Variants in CNTN5 observed in about 807,000 individuals in gnomAD.
The protein encoded by CNTN5 is contactin-5.
In CNTN5, 77 loss-of-function variants were observed where a neutral mutation model predicts 129.1. The observed-to-expected ratio is 0.60, with a 90% CI of 0.50 to 0.72. The LOEUF (loss-of-function observed/expected upper bound fraction) is 0.72, where lower values mean the gene tolerates loss of function less well. Among genes scored for constraint, CNTN5 ranks in the 30% least tolerant of loss-of-function variants. The pLI is 0.00. For missense variants in CNTN5, 1,478 were observed against 1,328.8 expected, an observed-to-expected ratio of 1.11 and a Z score of -1.75; for synonymous variants, 509 against 465.6, an observed-to-expected ratio of 1.09 and a Z score of -1.20.
intron 4 of CNTN5, among the ~76,000 whole-genome samples, chr11:99,828,607 A>G (rs1475202617): frequency 6.6e-6 from 1 of 152,222 alleles, no homozygotes; most frequent in African/African-American, 2.4e-5. Flanking sequence ...ATGCTATTTT[A>G]TTAAATAGAA....
At chr11:99,973,565 A>T (rs1481929505) in intron 8 of CNTN5, among the ~76,000 whole-genome samples, 1 of 152,156 alleles carries the variant, frequency 6.6e-6, no homozygotes, top group African/African-American at 2.4e-5. Context: ...AGGTATTTAA[A>T]AATAACCTTA....
chr11:99,780,158 C>A (rs1341532662), intron 3 of CNTN5, among the ~76,000 whole-genome samples: 1 of 151,890 alleles, frequency 6.6e-6, no homozygotes, highest in Non-Finnish European at 1.5e-5. Context: ...TTACTGTTAT[C>A]AAGTCCTCCT....
At chr11:99,366,908 G>C (rs139995617) in intron 2 of CNTN5, among the ~76,000 whole-genome samples, 1 of 152,106 alleles carries the variant, frequency 6.6e-6, no homozygotes, top group Non-Finnish European at 1.5e-5. Context: ...TAGCAGATTC[G>C]GTGCCTTTGC....
intron 1 of CNTN5, among the ~76,000 whole-genome samples, chr11:99,241,541 A>C (rs1017070236): frequency 5.3e-5 from 8 of 151,920 alleles, no homozygotes; most frequent in African/African-American, 1.9e-4. Context: ...AGTGTAGACC[A>C]TTAGTTATAA....
chr11:100,117,157 A>T (rs933316121), intron 13 of CNTN5, among the ~76,000 whole-genome samples: 2 of 152,058 alleles, frequency 1.3e-5, no homozygotes, highest in African/African-American at 2.4e-5. Flanking sequence ...CTGAAAAGGA[A>T]GTAGATTTTA....
intron 13 of CNTN5, among the ~76,000 whole-genome samples, chr11:100,148,532 A>C (rs1461641527): frequency 1.3e-5 from 2 of 152,156 alleles, no homozygotes; most frequent in African/African-American, 4.8e-5. Flanking sequence ...AAACCGGTGT[A>C]ACTGAGATCT....
chr11:100,266,391 A>G (rs980615732), intron 17 of CNTN5, among the ~76,000 whole-genome samples: 1 of 152,242 alleles, frequency 6.6e-6, no homozygotes, highest in African/African-American at 2.4e-5. Context: ...TTCTGGAAAT[A>G]ATAACTTTAT....
chr11:99,427,983 A>G (rs1304725441), intron 2 of CNTN5, among the ~76,000 whole-genome samples: 1 of 151,992 alleles, frequency 6.6e-6, no homozygotes, highest in Non-Finnish European at 1.5e-5. Flanking sequence ...TTTTCTTTTT[A>G]CAAACCTTAT....
chr11:100,045,361 G>T (rs1318776929), intron 9 of CNTN5, among the ~76,000 whole-genome samples: 1 of 151,904 alleles, frequency 6.6e-6, no homozygotes, highest in African/African-American at 2.4e-5. Flanking sequence ...ATAATTAGGG[G>T]CCAACTATAA....
At chr11:100,164,418 A>G (rs964450613) in intron 13 of CNTN5, among the ~76,000 whole-genome samples, 2 of 151,770 alleles carry the variant, frequency 1.3e-5, no homozygotes, top group South Asian at 2.1e-4. Context: ...TTCTTATTCT[A>G]TATACCAATC....
At chr11:100,254,653 T>C (rs747962176) in intron 16 of CNTN5, among the ~76,000 whole-genome samples, 11 of 152,206 alleles carry the variant, frequency 7.2e-5, no homozygotes, top group Non-Finnish European at 1.2e-4. Flanking sequence ...AAACTTTTTC[T>C]CCATCTTACT....
At chr11:99,965,414 T>G (rs990407418) in intron 8 of CNTN5, among the ~76,000 whole-genome samples, 1 of 152,202 alleles carries the variant, frequency 6.6e-6, no homozygotes, top group South Asian at 2.1e-4. Flanking sequence ...CATTTCGTTA[T>G]GTACCCAGTA....
chr11:99,063,447 CTTAT>C (rs1482540098), intron 1 of CNTN5, among the ~76,000 whole-genome samples: 2 of 151,408 alleles, frequency 1.3e-5, no homozygotes, highest in African/African-American at 4.9e-5. Flanking sequence ...AAGAAGAAAA[CTTAT>C]TGAGAAATGT....
chr11:99,540,237 T>C (rs529677339), intron 2 of CNTN5, among the ~76,000 whole-genome samples: 1 of 152,308 alleles, frequency 6.6e-6, no homozygotes, highest in African/African-American at 2.4e-5. Flanking sequence ...GATAACTAAA[T>C]ATGTGTTGTG....
At chr11:99,104,590 T>C (rs1425844952) in intron 1 of CNTN5, among the ~76,000 whole-genome samples, 2 of 151,202 alleles carry the variant, frequency 1.3e-5, no homozygotes, top group Non-Finnish European at 2.9e-5. Context: ...TTAATTCACC[T>C]GATTTAATCT....
intron 2 of CNTN5, among the ~76,000 whole-genome samples, chr11:99,533,815 C>T (rs761315356): frequency 5.9e-5 from 9 of 152,168 alleles, no homozygotes; most frequent in Admixed American, 3.3e-4. Flanking sequence ...TAGCTTTTAG[C>T]GAACTGGATA....
At chr11:99,857,820 C>G (rs1310521886) in intron 6 of CNTN5, among the ~76,000 whole-genome samples, 1 of 152,014 alleles carries the variant, frequency 6.6e-6, no homozygotes, top group Non-Finnish European at 1.5e-5. Flanking sequence ...TTCTATAATT[C>G]TAGCAATATC....
At chr11:99,286,912 A>G (rs1195089420) in intron 1 of CNTN5, among the ~76,000 whole-genome samples, 1 of 152,166 alleles carries the variant, frequency 6.6e-6, no homozygotes, top group African/African-American at 2.4e-5. Flanking sequence ...TAACTAAGCT[A>G]TATTATTTTA....
At position 99,236,497 on chromosome 11, in the gene CNTN5, CAG is replaced by C. The variant is rs1265351539; in HGVS notation, c.-209-88836_-209-88835del. 4.6e-4 allele frequency among the ~76,000 whole-genome samples: 61 copies of C among 132,568 alleles called. 1 individual carries two copies. Among genetic ancestry groups the C allele is most frequent in the African/African-American group, 1.7e-3 (58 of 33,200 alleles). 87.0% of individuals were successfully genotyped at this position (132,568 alleles called of 152,430 possible). On this transcript the variant is annotated intron_variant, in intron 1 of 24. Transcript: ENST00000524871. ...ACACACACACACACACACACACACA[CAG>C]AGAGAGAGAGAGTCTGAATTAAATG... is the stretch of plus-strand genomic sequence containing the variant.
Sources: allele counts gnomAD v4.1 joint callset (sites outside exome capture counted in the v4.1 genomes callset), GRCh38; gene constraint gnomAD v4.1.1; transcripts MANE v1.5; gene names NCBI Gene and HGNC (gene_info 2026-07-23, HGNC 2026-07-21).